Variants in ZC3HAV1 observed in about 807,000 individuals in gnomAD.
ZC3HAV1 encodes the protein zinc finger CCCH-type containing, antiviral 1.
A neutral mutation model predicts 86.6 loss-of-function variants in ZC3HAV1; 41 were observed. The observed-to-expected ratio is 0.47, with a 90% CI of 0.37 to 0.61. The LOEUF is 0.61. Ranked by LOEUF, ZC3HAV1 falls within the 20% of genes least tolerant of loss-of-function variation. The pLI is 0.00. For missense variants in ZC3HAV1, 964 were observed against 1,141.1 expected (o/e 0.84, Z 2.24); for synonymous variants, 421 against 432.1 (o/e 0.97, Z 0.32).
At chr7:139,079,016 T>C (rs968908742) in intron 4 of ZC3HAV1, 6 of 1,490,972 alleles carry the variant, frequency 4.0e-6, no homozygotes, top group Non-Finnish European at 5.4e-6. Flanking sequence ...CTTTAAGAAC[T>C]GGGGAACATC....
At chr7:139,078,129 C>T (rs569405322) in intron 5 of ZC3HAV1, among the ~76,000 whole-genome samples, 1 of 152,286 alleles carries the variant, frequency 6.6e-6, no homozygotes, top group South Asian at 2.1e-4. Flanking sequence ...ACCCCAGCTA[C>T]CTGGGAGGCT....
intron 12 of ZC3HAV1, 55 bp downstream of exon 12, chr7:139,053,396 A>G (rs1403291954): frequency 3.3e-6 from 5 of 1,496,088 alleles, no homozygotes; most frequent in Non-Finnish European, 4.5e-6. Flanking sequence ...ATAGAAGCAC[A>G]TATAAAGCCC....
At chr7:139,068,898 C>A (rs1816686022) in intron 7 of ZC3HAV1, among the ~76,000 whole-genome samples, 1 of 152,216 alleles carries the variant, frequency 6.6e-6, no homozygotes, top group African/African-American at 2.4e-5. Flanking sequence ...CGGGAGCATG[C>A]CCATGTCATG....
At chr7:139,073,810 T>G in intron 7 of ZC3HAV1, 46 bp downstream of exon 7, 1 of 1,539,070 alleles carries the variant, frequency 6.5e-7, no homozygotes, top group Non-Finnish European at 8.8e-7. Context: ...CTTTTTAAGT[T>G]GACAAGTTTA....
In ZC3HAV1 at chr7:139,096,591, G is replaced by C. The variant is rs527260153; in HGVS notation, c.309-6832C>G. The stretch of plus-strand genomic sequence containing the variant: ...TGACTTGGTACCTAGGATGCCAAAA[G>C]TTTCCTATGTCTTTTGGTCTGTCAC... On this transcript the variant is annotated intron_variant, in intron 1 of 12. Transcript: ENST00000242351. Among the ~76,000 whole-genome samples, 65 of 152,206 alleles carry C rather than the reference G, an allele frequency of 4.3e-4. 1 individual carries two copies. Among genetic ancestry groups the C allele is most frequent in the Admixed American group, 3.5e-3 (54 of 15,284 alleles).
intron 12 of ZC3HAV1, 78 bp downstream of exon 12, chr7:139,053,373 C>T (rs1010403732): frequency 3.2e-5 from 47 of 1,454,220 alleles, no homozygotes; most frequent in Non-Finnish European, 4.1e-5. Context: ...AAAATAATTA[C>T]ATATACCTCC....
At chr7:139,093,809 C>T (rs983027887) in intron 1 of ZC3HAV1, among the ~76,000 whole-genome samples, 1 of 152,218 alleles carries the variant, frequency 6.6e-6, no homozygotes, top group South Asian at 2.1e-4. Flanking sequence ...TTCACACGGA[C>T]GCGAGTGAAA....
chr7:139,050,123 A>G (rs1043764851), intron 12 of ZC3HAV1: 2 of 152,230 alleles, frequency 1.3e-5, no homozygotes, highest in Admixed American at 1.3e-4. Context: ...TATTAATCCC[A>G]TATCAGATGT....
intron 9 of ZC3HAV1, among the ~76,000 whole-genome samples, chr7:139,057,227 G>A (rs1302627940): frequency 6.6e-6 from 1 of 151,996 alleles, no homozygotes; most frequent in Non-Finnish European, 1.5e-5. Flanking sequence ...GTGTGGTGGT[G>A]CACGGCTGTA....
In ZC3HAV1 at chr7:139,077,630, T is replaced by C. The variant is rs916790138; in HGVS notation, c.1573+922A>G. Among the ~76,000 whole-genome samples, 8 of 152,302 alleles carry C rather than the reference T, an allele frequency of 5.3e-5. No individual in the cohort carries two copies. In the East Asian group the frequency reaches 1.5e-3, roughly 29 times the overall value. ...TGGTTTAGCTTACATCCCCCTTACA[T>C]ATTTGGCACAGGGCTAGGCATACAA... On this transcript the variant is annotated intron_variant, in intron 5 of 12. Transcript: ENST00000242351.
At chr7:139,072,319 G>T (rs1816798783) in intron 7 of ZC3HAV1, among the ~76,000 whole-genome samples, 1 of 151,868 alleles carries the variant, frequency 6.6e-6, no homozygotes. Context: ...TGAGTAGCTG[G>T]GATTACAAGC....
At chr7:139,094,438 A>G (rs1474283067) in intron 1 of ZC3HAV1, among the ~76,000 whole-genome samples, 3 of 151,072 alleles carry the variant, frequency 2.0e-5, no homozygotes, top group Admixed American at 2.0e-4. Context: ...AATGCTACCC[A>G]CACTTGGAGC....
intron 9 of ZC3HAV1, among the ~76,000 whole-genome samples, chr7:139,059,008 T>TA (rs71657780): frequency 0.021 from 3,206 of 149,484 alleles, 48 homozygotes; most frequent in Non-Finnish European, 0.033. Context: ...ACCGGAACTT[T>TA]AAAAAAAAAA....
At chr7:139,078,705 A>G in intron 4 of ZC3HAV1, 52 bp from the exon 5 acceptor site, 1 of 1,332,488 alleles carries the variant, frequency 7.5e-7, no homozygotes, top group South Asian at 1.4e-5. Flanking sequence ...TTAAACCAAA[A>G]ATCAAAGCAC....
intron 7 of ZC3HAV1, 107 bp from the exon 8 acceptor site, chr7:139,065,106 C>T: frequency 6.9e-7 from 1 of 1,445,720 alleles, no homozygotes. Context: ...GTGCATTTTG[C>T]TTCCCAAACC....
At chr7:139,090,081 G>A (rs186091847) in intron 1 of ZC3HAV1, among the ~76,000 whole-genome samples, 9 of 151,584 alleles carry the variant, frequency 5.9e-5, no homozygotes, top group Admixed American at 2.0e-4. Flanking sequence ...CACCACACCC[G>A]GCTAATTTTT....
chr7:139,089,156 G>A (rs970176241), intron 2 of ZC3HAV1, among the ~76,000 whole-genome samples: 1 of 150,842 alleles, frequency 6.6e-6, no homozygotes, highest in African/African-American at 2.4e-5. Flanking sequence ...TTGGCCTCTG[G>A]GTTATAGATT....
intron 2 of ZC3HAV1, among the ~76,000 whole-genome samples, chr7:139,087,641 T>C (rs1473208583): frequency 6.6e-6 from 1 of 152,182 alleles, no homozygotes; most frequent in Non-Finnish European, 1.5e-5. Flanking sequence ...TCTCATGTTA[T>C]AAGATTTTTA....
At chr7:139,097,459 G>C (rs1404514428) in intron 1 of ZC3HAV1, among the ~76,000 whole-genome samples, 1 of 106,350 alleles carries the variant, frequency 9.4e-6, no homozygotes, top group African/African-American at 4.7e-5. Context: ...CTTTGAGATG[G>C]AGTCTCGCTC....
Sources: gnomAD v4.1 joint callset for allele counts (sites outside exome capture counted in the v4.1 genomes callset) on GRCh38, gnomAD v4.1.1 for gene constraint, MANE v1.5 for transcripts, NCBI Gene and HGNC (gene_info 2026-07-23, HGNC 2026-07-21) for gene names.